The following CHKA variants were observed in gnomAD, a reference collection of about 807,000 sequenced individuals.
The protein encoded by CHKA is choline kinase alpha.
A neutral mutation model predicts 60.1 loss-of-function variants in CHKA; 34 were observed. That is an observed-to-expected ratio of 0.57 (90% confidence interval 0.43 to 0.75). The LOEUF is 0.75. CHKA is among the 30% of genes least tolerant of loss of function. The pLI is 0.00. For missense variants in CHKA, 563 were observed against 561.3 expected (o/e 1.00, Z -0.03); for synonymous variants, 217 against 223.1 (o/e 0.97, Z 0.24).
chr11:68,105,285 G>A (rs1293065363), intron 1 of CHKA, among the ~76,000 whole-genome samples: 1 of 151,930 alleles, frequency 6.6e-6, no homozygotes, highest in Admixed American at 6.6e-5. Context: ...GGGAGGCTGA[G>A]GCGGGTGGAT....
intron 1 of CHKA, among the ~76,000 whole-genome samples, chr11:68,106,587 T>G (rs11604971): frequency 0.011 from 1,597 of 148,978 alleles, 9 homozygotes; most frequent in Non-Finnish European, 0.017. Flanking sequence ...CCAGGTGGAG[T>G]GCTGGCTCTG....
chr11:68,056,371 A>G (rs909850850), intron 11 of CHKA, among the ~76,000 whole-genome samples: 3 of 152,210 alleles, frequency 2.0e-5, no homozygotes, highest in Admixed American at 6.5e-5. Context: ...ACTGTGGGTC[A>G]TAAGACTCTT....
intron 3 of CHKA, among the ~76,000 whole-genome samples, chr11:68,080,161 T>A (rs554250627): frequency 6.6e-6 from 1 of 152,072 alleles, no homozygotes; most frequent in African/African-American, 2.4e-5. Context: ...TCACAACAGA[T>A]TGTCAATCAC....
chr11:68,078,692 G>A (rs1856870270), intron 3 of CHKA, among the ~76,000 whole-genome samples: 1 of 152,122 alleles, frequency 6.6e-6, no homozygotes, highest in South Asian at 2.1e-4. Flanking sequence ...AACCTCAATT[G>A]TGAGAAAACA....
At chr11:68,114,711 A>AG (rs1858320688) in intron 1 of CHKA, among the ~76,000 whole-genome samples, 1 of 151,984 alleles carries the variant, frequency 6.6e-6, no homozygotes. Flanking sequence ...AAAAAAAAAA[A>AG]AAGAAGAAGA....
At chr11:68,066,537 A>G (rs764373893) in intron 7 of CHKA, 21 bp from the exon 8 acceptor site, 5 of 1,592,062 alleles carry the variant, frequency 3.1e-6, no homozygotes, top group African/African-American at 1.3e-5. Context: ...TTTGGATAAC[A>G]TGGTTTATGT....
chr11:68,083,454 T>C (rs1857051124), intron 2 of CHKA, among the ~76,000 whole-genome samples: 1 of 152,198 alleles, frequency 6.6e-6, no homozygotes, highest in African/African-American at 2.4e-5. Flanking sequence ...TCTTCTGAAA[T>C]TGTTGTAACG....
chr11:68,117,580 G>C (rs1023873153), intron 1 of CHKA, among the ~76,000 whole-genome samples: 6 of 152,134 alleles, frequency 3.9e-5, no homozygotes, highest in African/African-American at 7.2e-5. Flanking sequence ...CCAGCTACTC[G>C]GGAGGCTGAG....
At chr11:68,078,415 A>G (rs1856860666) in intron 3 of CHKA, among the ~76,000 whole-genome samples, 1 of 152,200 alleles carries the variant, frequency 6.6e-6, no homozygotes. Flanking sequence ...CTAAGTGGCC[A>G]TTAGATTTGG....
At chr11:68,056,003 G>A (rs768272816) in intron 11 of CHKA, among the ~76,000 whole-genome samples, 21 of 152,040 alleles carry the variant, frequency 1.4e-4, no homozygotes, top group Non-Finnish European at 2.5e-4. Context: ...AGCCGAGATC[G>A]CACCATTGAA....
At chr11:68,109,053 GA>G (rs1858028943) in intron 1 of CHKA, among the ~76,000 whole-genome samples, 1 of 151,712 alleles carries the variant, frequency 6.6e-6, no homozygotes, top group Non-Finnish European at 1.5e-5. Flanking sequence ...CCAGCAGAGG[GA>G]GGGGCAAAGA....
chr11:68,074,140 C>T (rs1340651038), intron 4 of CHKA, among the ~76,000 whole-genome samples: 1 of 152,144 alleles, frequency 6.6e-6, no homozygotes, highest in African/African-American at 2.4e-5. Flanking sequence ...GTAAATGTTA[C>T]AGCAACATTA....
At chr11:68,088,110 CAAAAAAAAAAAAAAAA>C (rs55932145) in intron 2 of CHKA, among the ~76,000 whole-genome samples, 2 of 71,258 alleles carry the variant, frequency 2.8e-5, no homozygotes, top group Admixed American at 2.0e-4. Context: ...GAGGCTGTCT[CAAAAAAAAAAAAAAAA>C]AAAAAAAAAA....
At position 68,077,670 on chromosome 11, in the gene CHKA, C is replaced by T. The variant is rs1236111045; in HGVS notation, c.517-2840G>A. ...AGGCCCCTGCCCACAACGGGGCTTA[C>T]ATGACAGAGAAGGAGGGATGGGGAG... On this transcript the variant is annotated intron_variant, in intron 3 of 11. Transcript: ENST00000265689. 3.9e-5 allele frequency among the ~76,000 whole-genome samples: 6 copies of T among 152,254 alleles called. No individual in the cohort carries two copies. In the South Asian group the frequency reaches 1.2e-3, roughly 32 times the overall value.
chr11:68,121,151 G>A lies in CHKA; in HGVS notation c.27C>T (p.Gly9=). Residue 9 remains glycine, a synonymous_variant, in exon 1 of 12, where the codon GGC becomes GGT. Transcript: ENST00000265689. ...GCCCGAGCGGCGAGGGCTCCGCCTC[G>A]CCCCCGGTGCAGAATTTGGTTTTCA... MKTKFCTG[G]EAEPSPLGLL... The A allele has an allele frequency of 1.7e-6, 2 of 1,207,132 alleles. No homozygotes were observed. Among genetic ancestry groups the A allele is most frequent in the Non-Finnish European group, 2.1e-6 (2 of 964,174 alleles). 74.8% of individuals were successfully genotyped at this position (1,207,132 alleles called of 1,614,324 possible). A position where few individuals can be genotyped will look rare whatever the true frequency, so the allele number is the denominator to read the frequency against.
Position 68,074,787 on chromosome 11 carries a change from A to C in CHKA, c.560T>G (p.Leu187Arg). Residue 187 changes from leucine to arginine, a missense_variant, in exon 4 of 12, where the codon CTC becomes CGC. Physicochemically the swap from Leu to Arg is moderately radical, Grantham distance 102. Transcript: ENST00000265689. Reference protein sequence around the residue: ...MVLESVMFAILAERSLGPKLY... With the variant: ...MVLESVMFAIRAERSLGPKLY... ...TTTTGGCCCAAGTGACCTCTCTGCG[A>C]GAATGGCAAACATAACGCTCTCCAG... is the stretch of plus-strand genomic sequence containing the variant. 4.3e-6 allele frequency: 7 copies of C among 1,614,240 alleles called. No individual in the cohort carries two copies. Among genetic ancestry groups the C allele is most frequent in the Non-Finnish European group, 5.9e-6 (7 of 1,180,040 alleles).
intron 1 of CHKA, among the ~76,000 whole-genome samples, chr11:68,119,894 C>T (rs1387844205): frequency 6.6e-6 from 1 of 152,084 alleles, no homozygotes; most frequent in East Asian, 1.9e-4. Context: ...ACGCGTACTT[C>T]TGTAATTCAA....
intron 1 of CHKA, among the ~76,000 whole-genome samples, chr11:68,108,454 A>T (rs1464424366): frequency 2.0e-5 from 3 of 152,362 alleles, no homozygotes; most frequent in Middle Eastern, 3.4e-3. Context: ...ACTCTTAAAG[A>T]AATAAGGTGG....
At chr11:68,068,309 T>C (rs1310424341) in intron 7 of CHKA, among the ~76,000 whole-genome samples, 2 of 152,168 alleles carry the variant, frequency 1.3e-5, no homozygotes, top group East Asian at 1.9e-4. Flanking sequence ...AAATCATACA[T>C]GTTTACTGTA....
Sources: gnomAD v4.1 joint callset for allele counts (sites outside exome capture counted in the v4.1 genomes callset) on GRCh38, gnomAD v4.1.1 for gene constraint, MANE v1.5 for transcripts, NCBI Gene and HGNC (gene_info 2026-07-23, HGNC 2026-07-21) for gene names.